Variants in RBMS3 observed in about 807,000 individuals in gnomAD.
The protein encoded by RBMS3 is RNA-binding motif, single-stranded-interacting protein 3.
RBMS3 carries 27 observed loss-of-function variants against 66.8 expected under a neutral mutation model. The ratio of observed to expected loss-of-function variants is 0.40; its 90% CI spans 0.30 to 0.56. The LOEUF (loss-of-function observed/expected upper bound fraction) is 0.56. Ranked by LOEUF, RBMS3 falls within the 20% of genes least tolerant of loss-of-function variation. The pLI is 0.40. For synonymous variants in RBMS3, 188 were observed against 183.0 expected (o/e 1.03, Z -0.22); for missense variants, 513 against 549.5 (o/e 0.93, Z 0.66).
intron 3 of RBMS3, 63 bp from the exon 4 acceptor site, chr3:29,587,051 A>G: frequency 7.9e-7 from 1 of 1,266,458 alleles, no homozygotes; most frequent in Non-Finnish European, 1.1e-6. Context: ...CTTGTACTTC[A>G]TCAGTGAAGA....
intron 3 of RBMS3, among the ~76,000 whole-genome samples, chr3:29,555,770 C>G (rs767570596): frequency 6.6e-6 from 1 of 152,174 alleles, no homozygotes; most frequent in Non-Finnish European, 1.5e-5. Context: ...CAACTTTGTT[C>G]TCACTCAGAC....
intron 1 of RBMS3, among the ~76,000 whole-genome samples, chr3:29,360,148 A>G (rs1422610873): frequency 1.3e-5 from 2 of 151,860 alleles, no homozygotes; most frequent in African/African-American, 2.4e-5. Context: ...TAGGGTGTCA[A>G]TTTTAGATCT....
At chr3:29,590,782 A>T (rs2047706219) in intron 4 of RBMS3, among the ~76,000 whole-genome samples, 1 of 152,082 alleles carries the variant, frequency 6.6e-6, no homozygotes, top group African/African-American at 2.4e-5. Context: ...TATTTTACTC[A>T]GTAGGAAGAA....
chr3:29,438,426 C>A (rs553050852), intron 2 of RBMS3, among the ~76,000 whole-genome samples: 18 of 151,658 alleles, frequency 1.2e-4, no homozygotes, highest in Non-Finnish European at 2.4e-4. Flanking sequence ...TGCTAATGAA[C>A]GGTAAGAAAA....
chr3:29,782,935 C>T, intron 6 of RBMS3, among the ~76,000 whole-genome samples: 1 of 151,926 alleles, frequency 6.6e-6, no homozygotes, highest in Admixed American at 6.6e-5. Flanking sequence ...GAAAGAAATT[C>T]AGAGCTTGAA....
At chr3:29,549,646 C>T (rs532907549) in intron 3 of RBMS3, among the ~76,000 whole-genome samples, 8 of 152,058 alleles carry the variant, frequency 5.3e-5, no homozygotes, top group African/African-American at 7.2e-5. Context: ...GTGATTCGCT[C>T]GCTTCAGCCT....
intron 4 of RBMS3, among the ~76,000 whole-genome samples, chr3:29,735,373 A>G (rs1330598642): frequency 6.6e-6 from 1 of 152,176 alleles, no homozygotes. Flanking sequence ...AACAATGGAG[A>G]GGATACTTTT....
intron 10 of RBMS3, among the ~76,000 whole-genome samples, chr3:29,930,109 CTTTTTTTT>C (rs775548425): frequency 1.1e-4 from 5 of 43,556 alleles, no homozygotes; most frequent in African/African-American, 3.2e-4. Context: ...TTCTTTCTTT[CTTTTTTTT>C]TTTTTTTTTT....
chr3:29,505,355 T>C (rs1186394815), intron 3 of RBMS3, among the ~76,000 whole-genome samples: 1 of 152,012 alleles, frequency 6.6e-6, no homozygotes, highest in Non-Finnish European at 1.5e-5. Flanking sequence ...TTGTCAAAAC[T>C]CAATTGACTG....
At chr3:29,563,956 G>A (rs145415718) in intron 3 of RBMS3, among the ~76,000 whole-genome samples, 1,551 of 150,286 alleles carry the variant, frequency 0.01, 8 homozygotes, top group Non-Finnish European at 0.018. Flanking sequence ...GATTGAGGCC[G>A]TAGTGAGCTA....
At chr3:29,426,686 T>C (rs1357597563) in intron 1 of RBMS3, among the ~76,000 whole-genome samples, 1 of 152,164 alleles carries the variant, frequency 6.6e-6, no homozygotes. Flanking sequence ...TCTAATGACA[T>C]AATTTCATTT....
intron 3 of RBMS3, among the ~76,000 whole-genome samples, chr3:29,568,444 C>T (rs1309948607): frequency 1.3e-5 from 2 of 152,120 alleles, no homozygotes; most frequent in African/African-American, 4.8e-5. Flanking sequence ...TTAAAACAAA[C>T]GAATTAAATT....
intron 2 of RBMS3, among the ~76,000 whole-genome samples, chr3:29,439,897 C>A (rs2041551976): frequency 6.6e-6 from 1 of 152,114 alleles, no homozygotes; most frequent in Admixed American, 6.6e-5. Flanking sequence ...GATGGATGAT[C>A]AGTTGAAGAC....
chr3:29,343,464 A>C (rs2125542117), intron 1 of RBMS3, among the ~76,000 whole-genome samples: 1 of 152,252 alleles, frequency 6.6e-6, no homozygotes, highest in East Asian at 1.9e-4. Flanking sequence ...TGCTACTTGA[A>C]AAAAAAATTT....
chr3:29,666,173 T>G (rs1484402964), intron 4 of RBMS3, among the ~76,000 whole-genome samples: 3 of 152,244 alleles, frequency 2.0e-5, no homozygotes, highest in African/African-American at 7.2e-5. Flanking sequence ...AAATGTCACT[T>G]GATAAGTTGA....
At chr3:29,759,481 T>C (rs1479202038) in intron 5 of RBMS3, among the ~76,000 whole-genome samples, 1 of 152,066 alleles carries the variant, frequency 6.6e-6, no homozygotes, top group African/African-American at 2.4e-5. Context: ...CTAGGAAGAA[T>C]AGATGCAGTT....
intron 12 of RBMS3, among the ~76,000 whole-genome samples, chr3:29,981,225 C>T (rs1040284197): frequency 7.9e-5 from 12 of 152,210 alleles, no homozygotes; most frequent in African/African-American, 2.6e-4. Flanking sequence ...CATGATTTGG[C>T]TCTCTGTCTA....
At chr3:29,779,421 T>A (rs1233748429) in intron 6 of RBMS3, among the ~76,000 whole-genome samples, 2 of 151,624 alleles carry the variant, frequency 1.3e-5, no homozygotes, top group Non-Finnish European at 3.0e-5. Context: ...CTGTATAGTA[T>A]CCTTTCTTTG....
At position 29,402,134 on chromosome 3, in the gene RBMS3, C is replaced by G. The variant is rs1468062911; in HGVS notation, c.76-32609C>G. On this transcript the variant is annotated intron_variant, in intron 1 of 14. Coordinates refer to ENST00000383767, the MANE Select transcript of RBMS3 (RefSeq NM_001003793.3). ...ACATTGACGGTGATGAAAAAAAGCC[C>G]TTGGTAATATATTGAAGACTAGGCT... is the stretch of plus-strand genomic sequence containing the variant. Among the ~76,000 whole-genome samples, 3 of 152,090 alleles carry G rather than the reference C, an allele frequency of 2.0e-5. No homozygotes were observed. In the East Asian group the frequency reaches 5.8e-4, roughly 29 times the overall value.
Sources: allele counts gnomAD v4.1 joint callset (sites outside exome capture counted in the v4.1 genomes callset), GRCh38; gene constraint gnomAD v4.1.1; transcripts MANE v1.5; gene names NCBI Gene and HGNC (gene_info 2026-07-23, HGNC 2026-07-21).